The following CYP4F8 variants were observed in gnomAD, a reference collection of about 807,000 sequenced individuals.
CYP4F8 encodes cytochrome P450 family 4 subfamily F member 8.
CYP4F8 carries 56 observed loss-of-function variants against 55.0 expected under a neutral mutation model. The ratio of observed to expected loss-of-function variants is 1.02; its 90% CI spans 0.82 to 1.27. The LOEUF is 1.27. CYP4F8 is among the 50% of genes most tolerant of loss of function. CYP4F8 has a pLI of 0.00. For missense variants in CYP4F8, 680 were observed against 682.4 expected (o/e 1.00, Z 0.04); for synonymous variants, 288 against 267.3 (o/e 1.08, Z -0.76).
In CYP4F8 at chr19:15,628,385, G is replaced by T; in HGVS notation, c.1199G>T (p.Arg400Leu). 1 of 1,614,086 alleles carries T rather than the reference G, an allele frequency of 6.2e-7. No homozygotes were observed. The highest frequency in any genetic ancestry group is 1.1e-5 in the South Asian group (1 of 91,086). The change falls in exon 10 of 13, where the codon CGC (arginine) becomes CTC (leucine). Residue 400 changes from arginine (R) to leucine (L), a missense_variant. Coordinates refer to ENST00000612078, the MANE Select transcript of CYP4F8 (RefSeq NM_007253.4). ...RLHPPIPTFA[R>L]GCTQDVVLPD... Reference sequence around the variant, plus strand: ...CATCCCCCAATCCCTACATTCGCCCGCGGCTGCACCCAGGACGTGGTGCTC... The same window carrying T: ...CATCCCCCAATCCCTACATTCGCCCTCGGCTGCACCCAGGACGTGGTGCTC...
At chr19:15,620,317 A>C (rs1972177285) in intron 5 of CYP4F8, among the ~76,000 whole-genome samples, 1 of 152,114 alleles carries the variant, frequency 6.6e-6, no homozygotes, top group African/African-American at 2.4e-5. Flanking sequence ...CTGCCTCTAG[A>C]TGACACCCCA....
At position 15,628,856 on chromosome 19, in the gene CYP4F8, G is replaced by T. The variant is rs988037999; in HGVS notation, c.1397+13G>T. ...CGGCGGGGCCCAGGTGAGGCCAGGGGGTGTCTGAGGTGGGCATGGGCTGAG... is the reference window on the plus strand; with the variant it reads ...CGGCGGGGCCCAGGTGAGGCCAGGGTGTGTCTGAGGTGGGCATGGGCTGAG... On this transcript the variant is annotated intron_variant, in intron 12 of 12. Transcript: ENST00000612078. 5 of 1,578,302 alleles carry T rather than the reference G, an allele frequency of 3.2e-6. No homozygotes were observed. The African/African-American group carries it at 5.5e-5, about 17-fold the overall frequency.
intron 9 of CYP4F8, among the ~76,000 whole-genome samples, chr19:15,625,330 GTA>G (rs34110364): frequency 0.73 from 106,891 of 146,060 alleles, 39,131 homozygotes; most frequent in Admixed American, 0.76. Flanking sequence ...CTATGTGTGT[GTA>G]TATATATATA....
Position 15,629,722 on chromosome 19 carries a change from C to A in CYP4F8, c.*364C>A. 1 of 190,528 alleles carries A rather than the reference C, an allele frequency of 5.2e-6. No homozygotes were observed. The allele number at this position is 190,528 out of a possible 1,614,324, so 11.8% of individuals were successfully genotyped here. A position where few individuals can be genotyped will look rare whatever the true frequency, so the allele number is the denominator to read the frequency against. On this transcript the variant is annotated 3_prime_UTR_variant, in exon 13 of 13. Transcript: ENST00000612078. ...GTGCATAGCAGCCTGAAATACAGAT[C>A]ACATTTGAAAGCCTTTCTTGAAGCT...
At chr19:15,618,191 G>A (rs376655131) in intron 3 of CYP4F8, 47 bp downstream of exon 3, 13 of 1,613,406 alleles carry the variant, frequency 8.1e-6, no homozygotes, top group Middle Eastern at 3.3e-4. Context: ...AACATTGGAG[G>A]GCTTCTAGAT....
intron 9 of CYP4F8, 92 bp from the exon 10 acceptor site, chr19:15,628,210 G>A: frequency 6.4e-7 from 1 of 1,563,490 alleles, no homozygotes; most frequent in Non-Finnish European, 8.7e-7. Context: ...TTTGTTATAG[G>A]ACTGAGGGTC....
In CYP4F8 at chr19:15,615,883, G is replaced by T. The variant is rs577557540; in HGVS notation, c.198+69G>T. On this transcript the variant is annotated intron_variant, in intron 2 of 12. Transcript: ENST00000612078. ...TGGAAATGGGGCTCAGGCTGAGGGG[G>T]TGGGCTCGGGTCTGGGACGGCAGAG... The T allele has an allele frequency of 3.5e-6, 5 of 1,422,236 alleles. No homozygotes were observed. In the South Asian group the frequency reaches 7.8e-5, roughly 22 times the overall value. 88.1% of individuals were successfully genotyped at this position (1,422,236 alleles called of 1,614,324 possible).
In CYP4F8 at chr19:15,623,308, A is replaced by G. The variant is rs537004457; in HGVS notation, c.851A>G (p.Asp284Gly). The change falls in exon 7 of 13, where the codon GAT (aspartate) becomes GGT (glycine). Residue 284 changes from aspartate (D) to glycine (G), a missense_variant. By Grantham distance (94) the Asp-to-Gly change is moderately conservative. Coordinates refer to ENST00000612078, the MANE Select transcript of CYP4F8 (RefSeq NM_007253.4). ...CGCACCCTCACTAGCCAGGGTGTTG[A>G]TGACTTCCTCCAAGCCAAGGCCAAG... ...RRRTLTSQGV[D>G]DFLQAKAKSK... 1 of 1,613,834 alleles carries G rather than the reference A, an allele frequency of 6.2e-7. No homozygotes were observed. Among genetic ancestry groups the G allele is most frequent in the Admixed American group, 1.7e-5 (1 of 59,972 alleles).
In CYP4F8 at chr19:15,623,195, G is replaced by A. The variant is rs374069201; in HGVS notation, c.738G>A (p.Leu246=). The change falls in exon 7 of 13, where the codon CTG becomes CTA. Residue 246 remains leucine, a synonymous_variant. Coordinates refer to ENST00000612078, the MANE Select transcript of CYP4F8 (RefSeq NM_007253.4). ...NNQFFRYKDF[L]YFLTPCGRRF... The stretch of plus-strand genomic sequence containing the variant: ...AGTTCTTCCGGTACAAGGACTTCCT[G>A]TACTTCCTCACTCCCTGTGGACGGC... The A allele has an allele frequency of 1.2e-6, 2 of 1,613,980 alleles. No individual in the cohort carries two copies. The highest frequency in any genetic ancestry group is 1.3e-5 in the African/African-American group (1 of 74,888).
chr19:15,616,302 A>G (rs1327077418), intron 2 of CYP4F8, among the ~76,000 whole-genome samples: 1 of 144,846 alleles, frequency 6.9e-6, no homozygotes, highest in Non-Finnish European at 1.5e-5. Flanking sequence ...TCGCTCACTC[A>G]TTCCTCTCCT....
intron 3 of CYP4F8, 125 bp downstream of exon 3, chr19:15,618,269 C>T: frequency 7.0e-7 from 1 of 1,434,418 alleles, no homozygotes; most frequent in Non-Finnish European, 9.8e-7. Flanking sequence ...CTCTCTCAGC[C>T]ACCTTCCTCT....
At chr19:15,615,319 C>T (rs1293043669) in intron 1 of CYP4F8, 39 bp downstream of exon 1, 6 of 256,232 alleles carry the variant, frequency 2.3e-5, no homozygotes, top group Admixed American at 1.1e-4. Context: ...TAGGGAGGGG[C>T]ACTGCCCAAG....
chr19:15,628,214 G>A, intron 9 of CYP4F8, 88 bp from the exon 10 acceptor site: 2 of 1,570,830 alleles, frequency 1.3e-6, no homozygotes, highest in Non-Finnish European at 1.7e-6. Context: ...TTATAGGACT[G>A]AGGGTCAGAG....
rs1972130164 is a variant in CYP4F8 at position 15,616,947 on chromosome 19, C to T, written c.199-1053C>T. Among the ~76,000 whole-genome samples, 2 of 152,172 alleles carry T rather than the reference C, an allele frequency of 1.3e-5. 1 individual carries two copies. Among genetic ancestry groups the T allele is most frequent in the South Asian group, 4.1e-4 (2 of 4,832 alleles). On this transcript the variant is annotated intron_variant, in intron 2 of 12. Coordinates refer to ENST00000612078, the MANE Select transcript of CYP4F8 (RefSeq NM_007253.4). Reference sequence around the variant, plus strand: ...TGAGCTTGATGTGCAAAAGGTGCTCCCTGGTGAGAGCCGCTGTTCTTCCTG... The same window carrying T: ...TGAGCTTGATGTGCAAAAGGTGCTCTCTGGTGAGAGCCGCTGTTCTTCCTG...
chr19:15,623,077 G>A (rs192210692), intron 6 of CYP4F8, 28 bp from the exon 7 acceptor site: 23 of 1,602,032 alleles, frequency 1.4e-5, no homozygotes, highest in Non-Finnish European at 1.8e-5. Flanking sequence ...GTAAGGAGCT[G>A]CTTCCTCTCT....
At chr19:15,628,960 C>A in intron 12 of CYP4F8, 117 bp downstream of exon 12, 1 of 1,330,610 alleles carries the variant, frequency 7.5e-7, no homozygotes, top group Non-Finnish European at 1.0e-6. Flanking sequence ...TAAAGAAGAT[C>A]CTAGGAAAAA....
intron 1 of CYP4F8, 128 bp from the exon 2 acceptor site, chr19:15,615,488 C>G: frequency 9.0e-7 from 1 of 1,115,792 alleles, no homozygotes; most frequent in East Asian, 2.7e-5. Context: ...CTCCCTTGGC[C>G]TCTTCCCCTG....
Position 15,619,732 on chromosome 19 carries a change from G to C in CYP4F8, c.495G>C (p.Lys165Asn), listed in dbSNP as rs554475476. 1 of 1,613,232 alleles carries C rather than the reference G, an allele frequency of 6.2e-7. No individual in the cohort carries two copies. The change falls in exon 5 of 13, where the codon AAG becomes AAC. Residue 165 changes from lysine to asparagine, a missense_variant. Lys to Asn is a moderately conservative substitution (Grantham distance 94). Coordinates refer to ENST00000612078, the MANE Select transcript of CYP4F8 (RefSeq NM_007253.4). ...FHFNILKPYI[K>N]IFSKSANIMH... ...TCAACATCCTGAAGCCCTATATAAAGATTTTCAGCAAGAGTGCAAACATCA... is the reference window on the plus strand; with the variant it reads ...TCAACATCCTGAAGCCCTATATAAACATTTTCAGCAAGAGTGCAAACATCA...
intron 1 of CYP4F8, 121 bp from the exon 2 acceptor site, chr19:15,615,495 C>T (rs981504509): frequency 2.5e-6 from 3 of 1,187,682 alleles, no homozygotes; most frequent in Non-Finnish European, 3.4e-6. Flanking sequence ...GGCCTCTTCC[C>T]CTGAGATTCC....
Sources: allele counts gnomAD v4.1 joint callset (sites outside exome capture counted in the v4.1 genomes callset), GRCh38; gene constraint gnomAD v4.1.1; transcripts MANE v1.5; gene names NCBI Gene and HGNC (gene_info 2026-07-23, HGNC 2026-07-21).